The following RNGTT variants were observed in gnomAD, a reference collection of about 807,000 sequenced individuals.
RNGTT encodes mRNA-capping enzyme.
In RNGTT, 33 loss-of-function variants were observed where a neutral mutation model predicts 79.3. The observed-to-expected ratio is 0.42, with a 90% CI of 0.32 to 0.56. The LOEUF is 0.56. RNGTT is among the 20% of genes least tolerant of loss of function. RNGTT has a pLI of 0.17. For missense variants in RNGTT, 497 were observed against 739.1 expected (o/e 0.67, Z 3.80); for synonymous variants, 222 against 235.9 (o/e 0.94, Z 0.54).
At chr6:88,796,966 T>C (rs921675234) in intron 12 of RNGTT, among the ~76,000 whole-genome samples, 16 of 152,190 alleles carry the variant, frequency 1.1e-4, no homozygotes, top group African/African-American at 3.4e-4. Flanking sequence ...CTACGGTTTA[T>C]TGCACCTTTT....
intron 8 of RNGTT, among the ~76,000 whole-genome samples, chr6:88,865,354 A>G (rs1196540883): frequency 4.6e-5 from 7 of 152,094 alleles, no homozygotes; most frequent in Admixed American, 4.6e-4. Flanking sequence ...TTAATGATAA[A>G]ACAAAACCCT....
At chr6:88,746,523 G>A (rs1205950081) in intron 13 of RNGTT, among the ~76,000 whole-genome samples, 2 of 152,172 alleles carry the variant, frequency 1.3e-5, no homozygotes, top group Admixed American at 1.3e-4. Flanking sequence ...GTGGGGGAAT[G>A]CTTTGGGGAA....
At chr6:88,917,628 C>A (rs1474785039) in intron 4 of RNGTT, among the ~76,000 whole-genome samples, 2 of 152,188 alleles carry the variant, frequency 1.3e-5, no homozygotes, top group African/African-American at 2.4e-5. Flanking sequence ...GGCCTGTAAT[C>A]CCCACCCCAG....
chr6:88,688,771 T>C (rs974255290), intron 13 of RNGTT, among the ~76,000 whole-genome samples: 4 of 152,230 alleles, frequency 2.6e-5, no homozygotes, highest in African/African-American at 9.6e-5. Flanking sequence ...GGTCCACTTA[T>C]ACGCAGATTT....
chr6:88,888,947 G>A (rs9344886), intron 8 of RNGTT, among the ~76,000 whole-genome samples: 1 of 152,164 alleles, frequency 6.6e-6, no homozygotes, highest in African/African-American at 2.4e-5. Context: ...AGAATCGCTT[G>A]AACCTGGCAG....
intron 11 of RNGTT, among the ~76,000 whole-genome samples, chr6:88,802,630 C>T (rs1779827877): frequency 6.6e-6 from 1 of 152,132 alleles, no homozygotes; most frequent in Admixed American, 6.5e-5. Flanking sequence ...GTTTAATGGA[C>T]TTGCTGTTCC....
At chr6:88,674,013 G>A (rs773712957) in intron 14 of RNGTT, among the ~76,000 whole-genome samples, 3 of 152,154 alleles carry the variant, frequency 2.0e-5, no homozygotes, top group Non-Finnish European at 4.4e-5. Context: ...GATAGCGAGG[G>A]GGGTTTATGA....
At chr6:88,826,061 G>A (rs960635611) in intron 11 of RNGTT, among the ~76,000 whole-genome samples, 1 of 152,062 alleles carries the variant, frequency 6.6e-6, no homozygotes, top group Admixed American at 6.5e-5. Context: ...CAGCCCACAC[G>A]TTCACATGTC....
chr6:88,619,622 G>T (rs1337021811), intron 14 of RNGTT, among the ~76,000 whole-genome samples: 1 of 152,160 alleles, frequency 6.6e-6, no homozygotes, highest in African/African-American at 2.4e-5. Context: ...GGTGTGGAAT[G>T]AATATATGAG....
intron 13 of RNGTT, among the ~76,000 whole-genome samples, chr6:88,700,242 TAC>T (rs1372118130): frequency 6.6e-6 from 1 of 152,168 alleles, no homozygotes; most frequent in Non-Finnish European, 1.5e-5. Flanking sequence ...CAGAAATTGT[TAC>T]AGACTGCCTC....
At chr6:88,692,773 A>G (rs991263498) in intron 13 of RNGTT, among the ~76,000 whole-genome samples, 20 of 152,124 alleles carry the variant, frequency 1.3e-4, no homozygotes, top group Admixed American at 5.9e-4. Flanking sequence ...TGTGCAGTTT[A>G]TTATAAATCA....
chr6:88,647,800 C>G (rs957948563), intron 14 of RNGTT, among the ~76,000 whole-genome samples: 2 of 150,964 alleles, frequency 1.3e-5, no homozygotes, highest in Admixed American at 6.6e-5. Context: ...CAAACTTAAC[C>G]AATCAATCTG....
At chr6:88,669,142 C>T (rs923622777) in intron 14 of RNGTT, among the ~76,000 whole-genome samples, 2 of 152,130 alleles carry the variant, frequency 1.3e-5, no homozygotes, top group Admixed American at 1.3e-4. Context: ...GCTTGACCCC[C>T]GAGTCAACCT....
intron 11 of RNGTT, among the ~76,000 whole-genome samples, chr6:88,820,134 C>G (rs1285813065): frequency 1.3e-5 from 2 of 152,034 alleles, no homozygotes; most frequent in Non-Finnish European, 2.9e-5. Context: ...CTGAACTTAT[C>G]ACAAGAAAAC....
chr6:88,743,526 C>A (rs937803186), intron 13 of RNGTT, among the ~76,000 whole-genome samples: 1 of 152,152 alleles, frequency 6.6e-6, no homozygotes, highest in Admixed American at 6.6e-5. Context: ...GACCACCATT[C>A]TACTTCCTGT....
intron 12 of RNGTT, among the ~76,000 whole-genome samples, chr6:88,780,948 G>A (rs1013587983): frequency 1.3e-5 from 2 of 152,132 alleles, no homozygotes; most frequent in Non-Finnish European, 1.5e-5. Flanking sequence ...AATGCGTGGA[G>A]ACATTTTTGG....
At chr6:88,898,913 A>G (rs1343078858) in intron 6 of RNGTT, among the ~76,000 whole-genome samples, 1 of 151,400 alleles carries the variant, frequency 6.6e-6, no homozygotes, top group Admixed American at 6.6e-5. Flanking sequence ...TTAAAGCTAA[A>G]TAAATAAGTA....
intron 11 of RNGTT, among the ~76,000 whole-genome samples, chr6:88,820,136 C>T (rs570302204): frequency 7.2e-4 from 109 of 152,156 alleles, no homozygotes; most frequent in African/African-American, 2.6e-3. Context: ...GAACTTATCA[C>T]AAGAAAACCT....
At position 88,769,757 on chromosome 6, in the gene RNGTT, CA is replaced by C; in HGVS notation, c.1439+16del. ...ACAGTATTATTTCATGCAAAAAGTA[CA>C]AAAGTGCATACTTACCCTTCTCCTC... On this transcript the variant is annotated intron_variant, in intron 13 of 15. Coordinates refer to ENST00000369485, the MANE Select transcript of RNGTT (RefSeq NM_003800.5). The C allele has an allele frequency of 6.6e-7, 1 of 1,521,480 alleles. No individual in the cohort carries two copies. Among genetic ancestry groups the C allele is most frequent in the East Asian group, 2.3e-5 (1 of 44,244 alleles). The allele number at this position is 1,521,480 out of a possible 1,614,324, so 94.2% of individuals were successfully genotyped here. A position where few individuals can be genotyped will look rare whatever the true frequency, so the allele number is the denominator to read the frequency against.
Sources: gnomAD v4.1 joint callset for allele counts (sites outside exome capture counted in the v4.1 genomes callset) on GRCh38, gnomAD v4.1.1 for gene constraint, MANE v1.5 for transcripts, NCBI Gene and HGNC (gene_info 2026-07-23, HGNC 2026-07-21) for gene names.